VPS13B: variants seen among roughly 807,000 people sequenced by gnomAD.
VPS13B encodes intermembrane lipid transfer protein VPS13B.
In VPS13B, 285 loss-of-function variants were observed where a neutral mutation model predicts 426.4. The observed-to-expected ratio is 0.67, with a 90% CI of 0.61 to 0.74. The LOEUF (loss-of-function observed/expected upper bound fraction) is 0.74. Among genes scored for constraint, VPS13B ranks in the 30% least tolerant of loss-of-function variants. The pLI, the probability that VPS13B is intolerant of heterozygous loss-of-function variation, is 0.00. For missense variants in VPS13B, 4,537 were observed against 4,782.6 expected (o/e 0.95, Z 1.51); for synonymous variants, 1,676 against 1,676.4 (o/e 1.00, Z 0.01).
Position 99,728,039 on chromosome 8 carries a change from A to T in VPS13B, c.7050+6992A>T, listed in dbSNP as rs539829039. Reference sequence around the variant, plus strand: ...TCTGTCTACATGGAGAAAGTATATCATACACTGGTTGAGCCAACATCAGTA... The same window carrying T: ...TCTGTCTACATGGAGAAAGTATATCTTACACTGGTTGAGCCAACATCAGTA... On this transcript the variant is annotated intron_variant, in intron 39 of 61. Transcript: ENST00000357162. 2.0e-5 allele frequency among the ~76,000 whole-genome samples: 3 copies of T among 152,348 alleles called. No individual in the cohort carries two copies. In the South Asian group the frequency reaches 6.2e-4, roughly 32 times the overall value.
intron 39 of VPS13B, among the ~76,000 whole-genome samples, chr8:99,760,072 G>A (rs1455038201): frequency 6.6e-6 from 1 of 151,986 alleles, no homozygotes; most frequent in East Asian, 1.9e-4. Flanking sequence ...CGCCTCCCAG[G>A]TTCAAGTGAT....
chr8:99,458,801 T>C (rs886803179), intron 23 of VPS13B, among the ~76,000 whole-genome samples: 7 of 152,208 alleles, frequency 4.6e-5, no homozygotes, highest in Non-Finnish European at 1.0e-4. Context: ...TTGAGTTCAT[T>C]GTAGATTCTG....
chr8:99,410,034 G>A (rs904467263), intron 21 of VPS13B, among the ~76,000 whole-genome samples: 1 of 152,040 alleles, frequency 6.6e-6, no homozygotes, highest in Non-Finnish European at 1.5e-5. Context: ...GTGGGATGGG[G>A]GAATACTTGG....
At chr8:99,631,256 G>A (rs1463373866) in intron 33 of VPS13B, among the ~76,000 whole-genome samples, 3 of 151,978 alleles carry the variant, frequency 2.0e-5, no homozygotes, top group African/African-American at 7.2e-5. Context: ...TGGGAATCAT[G>A]GCATGACTTC....
At chr8:99,839,118 G>C (rs1482074817) in intron 54 of VPS13B, among the ~76,000 whole-genome samples, 1 of 152,198 alleles carries the variant, frequency 6.6e-6, no homozygotes, top group Non-Finnish European at 1.5e-5. Context: ...AGAATGAGTA[G>C]TTTGAACCCC....
At position 99,865,450 on chromosome 8, in the gene VPS13B, T is replaced by C. The variant is rs1817051597; in HGVS notation, c.11216-2839T>C. On this transcript the variant is annotated intron_variant, in intron 58 of 61. Coordinates refer to ENST00000357162, the MANE Select transcript of VPS13B (RefSeq NM_152564.5). ...CCACCTCCTCTCTCTTCATGGGCACTCTTGGCTATGCCATCTGGAATCCCA... is the reference window on the plus strand; with the variant it reads ...CCACCTCCTCTCTCTTCATGGGCACCCTTGGCTATGCCATCTGGAATCCCA... 2.6e-5 allele frequency among the ~76,000 whole-genome samples: 4 copies of C among 152,240 alleles called. No homozygotes were observed. The South Asian group carries it at 8.3e-4, about 31-fold the overall frequency.
chr8:99,253,489 G>C (rs1817607345), intron 17 of VPS13B, among the ~76,000 whole-genome samples: 1 of 152,102 alleles, frequency 6.6e-6, no homozygotes, highest in African/African-American at 2.4e-5. Context: ...ACCAACGCTT[G>C]TTATTGTTTC....
chr8:99,138,143 AT>A (rs1563562525), intron 12 of VPS13B, among the ~76,000 whole-genome samples: 3 of 151,690 alleles, frequency 2.0e-5, no homozygotes, highest in Non-Finnish European at 2.9e-5. Flanking sequence ...ATATATATAT[AT>A]TTTTTGAGAC....
intron 33 of VPS13B, among the ~76,000 whole-genome samples, chr8:99,603,096 G>A (rs542062856): frequency 1.3e-4 from 20 of 152,142 alleles, no homozygotes; most frequent in South Asian, 2.1e-4. Flanking sequence ...AAGAGAGATT[G>A]GAATTTATTG....
chr8:99,862,051 A>G (rs1816865322), intron 58 of VPS13B, 105 bp downstream of exon 58: 3 of 1,353,742 alleles, frequency 2.2e-6, no homozygotes, highest in African/African-American at 1.4e-5. Flanking sequence ...TGACCAGGAA[A>G]TGCTCAGAGA....
At chr8:99,234,342 C>T (rs1816521871) in intron 17 of VPS13B, 4 of 747,556 alleles carry the variant, frequency 5.4e-6, no homozygotes, top group Non-Finnish European at 1.0e-5. Flanking sequence ...AAAGGTGCAT[C>T]CAACATCGCC....
intron 30 of VPS13B, among the ~76,000 whole-genome samples, chr8:99,526,593 C>G (rs1054779066): frequency 3.3e-5 from 5 of 151,940 alleles, no homozygotes; most frequent in African/African-American, 1.2e-4. Context: ...TTATATATGG[C>G]CTAAACAACT....
At chr8:99,626,708 T>C (rs886160037) in intron 33 of VPS13B, among the ~76,000 whole-genome samples, 2 of 152,148 alleles carry the variant, frequency 1.3e-5, no homozygotes, top group African/African-American at 4.8e-5. Flanking sequence ...ATCCAGCCAT[T>C]ATGGAAAAAA....
chr8:99,610,153 G>A (rs1239588619), intron 33 of VPS13B, among the ~76,000 whole-genome samples: 1 of 152,110 alleles, frequency 6.6e-6, no homozygotes, highest in East Asian at 1.9e-4. Flanking sequence ...CTTGGAATAT[G>A]CTGTTGTTTT....
Position 99,528,816 on chromosome 8 carries a change from TAAAGAG to T in VPS13B, c.4745+7809_4745+7814del, listed in dbSNP as rs1318144676. ...CAAGTTTTTTTCTTTTTAGAAGTAA[TAAAGAG>T]AATAGAAATATCAGCATTAATTATT... On this transcript the variant is annotated intron_variant, in intron 30 of 61. Transcript: ENST00000357162. Among the ~76,000 whole-genome samples, 5 of 152,108 alleles carry T rather than the reference TAAAGAG, an allele frequency of 3.3e-5. No individual in the cohort carries two copies. The East Asian group carries it at 7.7e-4, about 23-fold the overall frequency.
chr8:99,813,272 T>TA (rs1813826833), intron 44 of VPS13B, among the ~76,000 whole-genome samples: 1 of 152,260 alleles, frequency 6.6e-6, no homozygotes, highest in South Asian at 2.1e-4. Flanking sequence ...AATGAGACTA[T>TA]AAAAACCCAC....
chr8:99,680,364 C>T lies in VPS13B; in HGVS notation c.6046+18873C>T, dbSNP rs569158332. On this transcript the variant is annotated intron_variant, in intron 35 of 61. Transcript: ENST00000357162. ...AAACTTATGGGAATCACCTCTGGGG[C>T]TTGAATTCCCTCTCTGATTTCATTA... 3.9e-5 allele frequency among the ~76,000 whole-genome samples: 6 copies of T among 152,300 alleles called. No individual in the cohort carries two copies. In the East Asian group the frequency reaches 1.2e-3, roughly 29 times the overall value.
intron 7 of VPS13B, among the ~76,000 whole-genome samples, chr8:99,120,925 T>C (rs1272507504): frequency 1.3e-5 from 2 of 152,226 alleles, no homozygotes; most frequent in East Asian, 1.9e-4. Context: ...TTAAAAGTTA[T>C]GTGCAGTTGA....
At chr8:99,502,522 A>G (rs915196443) in intron 26 of VPS13B, among the ~76,000 whole-genome samples, 1 of 152,182 alleles carries the variant, frequency 6.6e-6, no homozygotes, top group African/African-American at 2.4e-5. Context: ...AAATTCATCT[A>G]AAAGACCATG....
Sources: gnomAD v4.1 joint callset for allele counts (sites outside exome capture counted in the v4.1 genomes callset) on GRCh38, gnomAD v4.1.1 for gene constraint, MANE v1.5 for transcripts, NCBI Gene and HGNC (gene_info 2026-07-23, HGNC 2026-07-21) for gene names.